Variants in SYNPO observed in about 807,000 individuals in gnomAD.
The protein encoded by SYNPO is synaptopodin.
A neutral mutation model predicts 49.5 loss-of-function variants in SYNPO; 19 were observed. The observed-to-expected ratio is 0.38, with a 90% CI of 0.27 to 0.56. The LOEUF is 0.56. Ranked by LOEUF, SYNPO falls within the 20% of genes least tolerant of loss-of-function variation. The probability of loss-of-function intolerance (pLI) is 0.68; values close to 1 mark genes in which losing one functional copy is unlikely to be tolerated. For synonymous variants in SYNPO, 536 were observed against 548.0 expected (o/e 0.98, Z 0.31); for missense variants, 1,131 against 1,248.3 (o/e 0.91, Z 1.42).
exon 2 of SYNPO, chr5:150,618,278 G>C (rs1330264691): frequency 7.0e-7 from 1 of 1,429,304 alleles, no homozygotes; most frequent in African/African-American, 1.4e-5. Flanking sequence ...GTAAGGAGCA[G>C]AGACCAGGGC....
At chr5:150,592,178 AAAGAAG>A in the SYNPO span, among the ~76,000 whole-genome samples, 6 of 152,110 alleles carry the variant, frequency 3.9e-5, no homozygotes, top group Non-Finnish European at 8.8e-5. Context: ...AAGAAAAGAA[AAAGAAG>A]AAGAAGAAGA....
chr5:150,649,878 A>C lies in SYNPO; in HGVS notation c.1603A>C (p.Ser535Arg). Residue 535 changes from serine (S) to arginine (R), a missense_variant, in exon 2 of 3, where the codon AGC becomes CGC. This residue lies in a region of SYNPO where 602 missense variants were observed against 720.7 expected (regional missense o/e 0.84). Transcript: ENST00000307662. ...CGGGGCCTTCCGAGTGGCATCCCGA[A>C]GCCCAGCCCGGACCCCGCCTGCCTC... ...APGAFRVASR[S>R]PARTPPASLY... is the part of the protein sequence containing the mutation. 6.2e-7 allele frequency: 1 copy of C among 1,609,622 alleles called. No individual in the cohort carries two copies. The highest frequency in any genetic ancestry group is 8.5e-7 in the Non-Finnish European group (1 of 1,179,982).
In SYNPO at chr5:150,619,543, C is replaced by T. The variant is rs770168172; in HGVS notation, c.400+776C>T. 3.3e-5 allele frequency among the ~76,000 whole-genome samples: 5 copies of T among 152,116 alleles called. No homozygotes were observed. The East Asian group carries it at 5.8e-4, about 18-fold the overall frequency. On this transcript the variant is annotated intron_variant, in intron 2 of 2. Coordinates refer to the SYNPO transcript ENST00000394243. ...AGCGGCTGCTGTCTGCAGAGCAGGGCGGGACAGGGAAGCCCACGCTGAATC... is the reference window on the plus strand; with the variant it reads ...AGCGGCTGCTGTCTGCAGAGCAGGGTGGGACAGGGAAGCCCACGCTGAATC...
In SYNPO at chr5:150,649,751, G is replaced by A; in HGVS notation, c.1476G>A (p.Glu492=). 6.2e-7 allele frequency: 1 copy of A among 1,613,148 alleles called. No homozygotes were observed. Among genetic ancestry groups the A allele is most frequent in the Non-Finnish European group, 8.5e-7 (1 of 1,180,036 alleles). ...ACGCCCGCCGCCAGTCACGGATGGA[G>A]AAATATGTCATCGAGTCTTCAAGCC... ...ELYARRQSRM[E]KYVIESSSHT... Residue 492 remains glutamate (E), a synonymous_variant, in exon 2 of 3, where the codon GAG becomes GAA. Coordinates refer to ENST00000307662, the MANE Select transcript of SYNPO (RefSeq NM_007286.6).
chr5:150,616,736 G>A (rs1188125908), intron 1 of SYNPO, among the ~76,000 whole-genome samples: 1 of 151,982 alleles, frequency 6.6e-6, no homozygotes, highest in African/African-American at 2.4e-5. Flanking sequence ...CTAGGAACCT[G>A]GGCTGCATCC....
At chr5:150,624,144 C>T (rs1229755701) in intron 2 of SYNPO, among the ~76,000 whole-genome samples, 1 of 152,240 alleles carries the variant, frequency 6.6e-6, no homozygotes, top group Non-Finnish European at 1.5e-5. Context: ...TTGTTGCTGA[C>T]CCACTGGTGA....
chr5:150,588,389 C>A, the SYNPO span, among the ~76,000 whole-genome samples: 1 of 152,186 alleles, frequency 6.6e-6, no homozygotes, highest in East Asian at 1.9e-4. Flanking sequence ...TTCTGCAACC[C>A]CAGCCTCTGA....
the SYNPO span, among the ~76,000 whole-genome samples, chr5:150,588,396 C>T: frequency 1.3e-5 from 2 of 152,210 alleles, no homozygotes; most frequent in African/African-American, 4.8e-5. Flanking sequence ...ACCCCAGCCT[C>T]TGAAGCTGGG....
rs1183128751 is a variant in SYNPO at position 150,628,020 on chromosome 5, CTGTGTGTGTGTGTTTCTGTGTGTGTG to C, written c.400+9267_400+9292del. Among the ~76,000 whole-genome samples the C allele has an allele frequency of 2.1e-3, 294 of 142,200 alleles. 2 individuals are homozygous for C. The highest frequency in any genetic ancestry group is 7.7e-3 in the African/African-American group (282 of 36,648). 93.3% of individuals were successfully genotyped at this position (142,200 alleles called of 152,430 possible). A position where few individuals can be genotyped will look rare whatever the true frequency, so the allele number is the denominator to read the frequency against. On this transcript the variant is annotated intron_variant, in intron 2 of 2. Coordinates refer to the SYNPO transcript ENST00000394243. ...TAGTCGTGTGTGTGTGTGTGTGTTT[CTGTGTGTGTGTGTTTCTGTGTGTGTG>C]TGTGTGTGTGTGTGTGTGTGGTCAG...
intron 2 of SYNPO, among the ~76,000 whole-genome samples, chr5:150,622,558 C>G (rs1024119381): frequency 5.3e-5 from 8 of 152,200 alleles, no homozygotes; most frequent in Non-Finnish European, 1.2e-4. Context: ...ACTTCCAACT[C>G]TAGTGGACAC....
intron 1 of SYNPO, among the ~76,000 whole-genome samples, chr5:150,607,496 A>C (rs538157885): frequency 6.6e-6 from 1 of 152,332 alleles, no homozygotes; most frequent in Admixed American, 6.5e-5. Flanking sequence ...GCCCAATGCC[A>C]AGGGGTGCCA....
intron 1 of SYNPO, 106 bp from the exon 2 acceptor site, chr5:150,647,838 C>T: frequency 1.0e-6 from 1 of 995,778 alleles, no homozygotes. Context: ...AGAAGAGATC[C>T]TGTGTAGGAA....
chr5:150,626,430 A>G (rs940868787), intron 2 of SYNPO, among the ~76,000 whole-genome samples: 3 of 152,052 alleles, frequency 2.0e-5, no homozygotes, highest in South Asian at 2.1e-4. Flanking sequence ...TTGATATTCA[A>G]ACTTCCCCCA....
chr5:150,591,154 C>A, the SYNPO span, among the ~76,000 whole-genome samples: 2 of 152,052 alleles, frequency 1.3e-5, no homozygotes, highest in African/African-American at 4.8e-5. Flanking sequence ...CCCTGACTCC[C>A]GGAGGCAGCC....
At chr5:150,592,677 G>C in the SYNPO span, among the ~76,000 whole-genome samples, 2 of 152,240 alleles carry the variant, frequency 1.3e-5, no homozygotes, top group East Asian at 3.8e-4. Context: ...CTCCCATTGA[G>C]CCATAGCCTG....
At chr5:150,650,903 CAG>C in intron 2 of SYNPO, 1 of 1,258,706 alleles carries the variant, frequency 7.9e-7, no homozygotes, top group Non-Finnish European at 1.0e-6. Flanking sequence ...TCCGCTGCTT[CAG>C]AGAGCTTTGC....
At chr5:150,637,550 T>C (rs1333984197), upstream of SYNPO, among the ~76,000 whole-genome samples, 2 of 152,194 alleles carry the variant, frequency 1.3e-5, no homozygotes, top group Non-Finnish European at 2.9e-5. Flanking sequence ...GCGCCTTCTT[T>C]GGCAGCTGTG....
chr5:150,598,094 G>T (rs753199631), upstream of SYNPO, among the ~76,000 whole-genome samples: 43 of 152,080 alleles, frequency 2.8e-4, no homozygotes, highest in Non-Finnish European at 5.4e-4. Context: ...CACTGCCCTC[G>T]CAACACATCG....
the SYNPO span, among the ~76,000 whole-genome samples, chr5:150,590,311 C>G: frequency 2.6e-5 from 4 of 152,226 alleles, no homozygotes; most frequent in Non-Finnish European, 5.9e-5. Flanking sequence ...CCATAGGCCC[C>G]TGGAGGGGGA....
Sources: allele counts gnomAD v4.1 joint callset (sites outside exome capture counted in the v4.1 genomes callset), GRCh38; gene constraint gnomAD v4.1.1; regional missense constraint gnomAD v4.1.1; transcripts MANE v1.5; gene names NCBI Gene and HGNC (gene_info 2026-07-23, HGNC 2026-07-21).